The following TMEM196 variants were observed in gnomAD, a reference collection of about 807,000 sequenced individuals.
The protein encoded by TMEM196 is transmembrane protein 196.
Under a neutral mutation model 20.0 loss-of-function variants are expected in TMEM196, and 17 were observed. The ratio of observed to expected loss-of-function variants is 0.85; its 90% CI spans 0.58 to 1.27. The LOEUF (loss-of-function observed/expected upper bound fraction) is 1.27. Among genes scored for constraint, TMEM196 ranks in the 50% most tolerant of loss-of-function variants. The pLI is 0.00. For synonymous variants in TMEM196, 113 were observed against 88.9 expected, an observed-to-expected ratio of 1.27 and a Z score of -1.52; for missense variants, 267 against 223.0, an observed-to-expected ratio of 1.20 and a Z score of -1.26.
At chr7:19,764,047 G>T (rs1244330000) in intron 1 of TMEM196, among the ~76,000 whole-genome samples, 2 of 152,114 alleles carry the variant, frequency 1.3e-5, no homozygotes, top group Non-Finnish European at 2.9e-5. Flanking sequence ...ATTTTTATAT[G>T]CCAGCCAGCT....
intron 2 of TMEM196, among the ~76,000 whole-genome samples, chr7:19,728,787 C>G (rs773112797): frequency 9.2e-5 from 14 of 152,284 alleles, no homozygotes; most frequent in South Asian, 2.1e-4. Context: ...GCTCATCCAG[C>G]CAATATCAGA....
intron 1 of TMEM196, among the ~76,000 whole-genome samples, chr7:19,764,737 C>T (rs1222361434): frequency 6.6e-6 from 1 of 152,044 alleles, no homozygotes; most frequent in Non-Finnish European, 1.5e-5. Flanking sequence ...ATGGCAGGAA[C>T]GATTTAGGTC....
chr7:19,753,347 T>A (rs1785066718), intron 1 of TMEM196, among the ~76,000 whole-genome samples: 1 of 152,050 alleles, frequency 6.6e-6, no homozygotes, highest in Admixed American at 6.6e-5. Context: ...ATCAAAGAGG[T>A]ACAATTTATC....
intron 1 of TMEM196, among the ~76,000 whole-genome samples, chr7:19,767,725 T>C (rs904811980): frequency 2.6e-5 from 4 of 152,032 alleles, no homozygotes; most frequent in Non-Finnish European, 4.4e-5. Context: ...AGCATTTTCA[T>C]CTTATGCTAA....
chr7:19,724,309 C>G lies in TMEM196; in HGVS notation c.504G>C (p.Val168=). Reference sequence around the variant, plus strand: ...TAGGTAACTCTGGTGTCGGGGGCACCACCGGGCAGCTGGGCAAGTCGGTTA... The same window carrying G: ...TAGGTAACTCTGGTGTCGGGGGCACGACCGGGCAGCTGGGCAAGTCGGTTA... ...IEITDLPSCP[V]VPPTPELPTR... is the part of the protein sequence containing the mutation. Residue 168 remains valine (V), a synonymous_variant, in exon 4 of 5, where the codon GTG becomes GTC. Transcript: ENST00000405844. The G allele has an allele frequency of 2.6e-6, 4 of 1,550,370 alleles. No individual in the cohort carries two copies. Among genetic ancestry groups the G allele is most frequent in the Non-Finnish European group, 3.5e-6 (4 of 1,146,874 alleles).
rs188394830 is a variant in TMEM196, at chr7:19,772,714, C to T, written c.-18G>A. ...GTGCACATCCTTCCTCGGTCATCTT[C>T]CTTCCAGATCAGAGAGGGAAATCAA... On this transcript the variant is annotated 5_prime_UTR_variant, in exon 1 of 5. Transcript: ENST00000405844. 2.0e-6 allele frequency: 3 copies of T among 1,482,608 alleles called. No homozygotes were observed. Among genetic ancestry groups the T allele is most frequent in the Admixed American group, 4.4e-5 (2 of 45,100 alleles). 91.8% of individuals were successfully genotyped at this position (1,482,608 alleles called of 1,614,324 possible).
chr7:19,748,126 A>T (rs1784827599), intron 1 of TMEM196, among the ~76,000 whole-genome samples: 1 of 151,892 alleles, frequency 6.6e-6, no homozygotes, highest in Admixed American at 6.6e-5. Flanking sequence ...TTTCTGGGGC[A>T]TTGCTTACAA....
At chr7:19,722,573 A>G (rs1783849197) in intron 4 of TMEM196, among the ~76,000 whole-genome samples, 1 of 152,130 alleles carries the variant, frequency 6.6e-6, no homozygotes, top group Admixed American at 6.6e-5. Context: ...TAAGAACAGA[A>G]AAAGGCCTAC....
chr7:19,768,910 T>A (rs1042350207), intron 1 of TMEM196, among the ~76,000 whole-genome samples: 1 of 152,200 alleles, frequency 6.6e-6, no homozygotes, highest in Non-Finnish European at 1.5e-5. Flanking sequence ...TTAAGCCATC[T>A]TTCAGGTTTT....
intron 1 of TMEM196, among the ~76,000 whole-genome samples, chr7:19,749,289 C>A (rs371403767): frequency 8.0e-4 from 122 of 152,226 alleles, no homozygotes; most frequent in African/African-American, 2.8e-3. Context: ...CGGAGAGAGC[C>A]AATCAAAATA....
intron 1 of TMEM196, among the ~76,000 whole-genome samples, chr7:19,746,238 A>G (rs1402629124): frequency 6.6e-6 from 1 of 152,236 alleles, no homozygotes; most frequent in Non-Finnish European, 1.5e-5. Context: ...ACATAGCTTA[A>G]GTTTCCTCAT....
At chr7:19,771,255 A>T (rs1345985263) in intron 1 of TMEM196, among the ~76,000 whole-genome samples, 1 of 152,160 alleles carries the variant, frequency 6.6e-6, no homozygotes, top group Admixed American at 6.5e-5. Flanking sequence ...AGAACAAGAT[A>T]ATTATTTGGA....
chr7:19,772,725 A>G lies in TMEM196; in HGVS notation c.-29T>C, dbSNP rs1411459063. The G allele has an allele frequency of 6.1e-6, 9 of 1,464,006 alleles. No individual in the cohort carries two copies. Among genetic ancestry groups the G allele is most frequent in the Middle Eastern group, 2.4e-4 (1 of 4,094 alleles). 90.7% of individuals were successfully genotyped at this position (1,464,006 alleles called of 1,614,324 possible). ...TCCTCGGTCATCTTCCTTCCAGATC[A>G]GAGAGGGAAATCAACCATCTACCTT... On this transcript the variant is annotated 5_prime_UTR_variant, in exon 1 of 5. It removes the in-frame stop codon of an upstream open reading frame in the 5' UTR. Transcript: ENST00000405844.
chr7:19,724,173 T>A (rs906627650), intron 4 of TMEM196, 107 bp downstream of exon 4: 6 of 988,722 alleles, frequency 6.1e-6, no homozygotes, highest in Non-Finnish European at 9.1e-6. Flanking sequence ...GAAACAACAT[T>A]AAACAACATC....
chr7:19,746,190 C>T lies in TMEM196; in HGVS notation c.148-16752G>A, dbSNP rs115275308. On this transcript the variant is annotated intron_variant, in intron 1 of 4. Coordinates refer to ENST00000405844, the MANE Select transcript of TMEM196 (RefSeq NM_001363562.2). ...TATATAGAGGAAGACTTTAACCGAT[C>T]ATCAGTAAATAATTTCTAATCAATA... 2.0e-5 allele frequency among the ~76,000 whole-genome samples: 3 copies of T among 152,278 alleles called. No homozygotes were observed. The East Asian group carries it at 5.8e-4, about 29-fold the overall frequency.
intron 1 of TMEM196, among the ~76,000 whole-genome samples, chr7:19,735,963 C>G (rs536743133): frequency 2.0e-5 from 3 of 152,080 alleles, no homozygotes; most frequent in African/African-American, 7.2e-5. Flanking sequence ...TAGTTCGTTT[C>G]TTTAAAATGC....
chr7:19,732,855 G>C (rs1478519481), intron 1 of TMEM196, among the ~76,000 whole-genome samples: 2 of 152,072 alleles, frequency 1.3e-5, no homozygotes, highest in African/African-American at 4.8e-5. Context: ...ACTTTCTTTT[G>C]TTCAACATAA....
intron 1 of TMEM196, among the ~76,000 whole-genome samples, chr7:19,741,133 C>T (rs994236936): frequency 3.9e-5 from 6 of 152,020 alleles, no homozygotes; most frequent in African/African-American, 1.4e-4. Context: ...CTGTGACGGG[C>T]GAGTTTATGA....
rs375454945 is a variant in TMEM196, at chr7:19,725,580, A to G, written c.393T>C (p.Tyr131=). ...SSWLTCRLAS[Y]EQRRMFSERE... ...TTTCTGAGAACATCCTCCTCTGTTC[A>G]TAACTGGCTAGTCGACAAGTGAGCC... The change falls in exon 3 of 5, where the codon TAT becomes TAC. Residue 131 remains tyrosine (Y), a synonymous_variant. Transcript: ENST00000405844. The G allele has an allele frequency of 2.2e-5, 35 of 1,613,968 alleles. No homozygotes were observed. The African/African-American group carries it at 3.5e-4, about 16-fold the overall frequency.
Sources: gnomAD v4.1 joint callset for allele counts (sites outside exome capture counted in the v4.1 genomes callset) on GRCh38, gnomAD v4.1.1 for gene constraint, MANE v1.5 for transcripts, NCBI Gene and HGNC (gene_info 2026-07-23, HGNC 2026-07-21) for gene names.